Variants in PCM1 observed in about 807,000 individuals in gnomAD.
PCM1 encodes the protein pericentriolar material 1 protein.
In PCM1, 157 loss-of-function variants were observed where a neutral mutation model predicts 241.9. The ratio of observed to expected loss-of-function variants is 0.65; its 90% CI spans 0.57 to 0.74. PCM1 has a LOEUF of 0.74. PCM1 is among the 30% of genes least tolerant of loss of function. The pLI is 0.00. For synonymous variants in PCM1, 1,085 were observed against 784.9 expected (o/e 1.38, Z -6.39); for missense variants, 3,478 against 2,360.1 (o/e 1.47, Z -9.81).
chr8:17,980,511 C>A (rs1370282884), intron 23 of PCM1, 80 bp from the exon 24 acceptor site: 6 of 1,150,908 alleles, frequency 5.2e-6, no homozygotes, highest in Non-Finnish European at 7.4e-6. Context: ...GTTACCTGTA[C>A]TGTTACACAA....
At chr8:17,923,650 G>C (rs899070330) in intron 1 of PCM1, among the ~76,000 whole-genome samples, 8 of 152,012 alleles carry the variant, frequency 5.3e-5, no homozygotes. Flanking sequence ...CAGAGTTTGG[G>C]GTGTAGAAGG....
intron 1 of PCM1, 101 bp downstream of exon 1, chr8:17,923,289 A>G (rs2055258390): frequency 1.3e-5 from 2 of 152,388 alleles, no homozygotes; most frequent in Admixed American, 1.3e-4. Flanking sequence ...GGGTCTGGCC[A>G]CGGGCCCACG....
intron 2 of PCM1, chr8:17,925,199 T>G (rs2129444913): frequency 6.6e-6 from 1 of 152,364 alleles, no homozygotes; most frequent in South Asian, 2.1e-4. Flanking sequence ...GACCGAAATT[T>G]AGTTGTCTAA....
intron 2 of PCM1, among the ~76,000 whole-genome samples, chr8:17,930,854 TG>T (rs1400468656): frequency 6.6e-6 from 1 of 151,550 alleles, no homozygotes; most frequent in East Asian, 1.9e-4. Flanking sequence ...CACTCCAGCC[TG>T]GGTGACAGAG....
At chr8:17,948,872 T>C (rs149856678) in intron 7 of PCM1, among the ~76,000 whole-genome samples, 12 of 152,352 alleles carry the variant, frequency 7.9e-5, no homozygotes, top group African/African-American at 2.6e-4. Flanking sequence ...TATTAATCTC[T>C]AAACTTGCAT....
rs776470089 is a variant in PCM1, at chr8:17,966,363, T to G, written c.3111T>G (p.Gly1037=). Reference sequence around the variant, plus strand: ...GTCTGCTACAAACTCTTCTCACGGGTCCTTACAGTGTTATGCCCAGCAATG... The same window carrying G: ...GTCTGCTACAAACTCTTCTCACGGGGCCTTACAGTGTTATGCCCAGCAATG... ...LSCLLQTLLT[G]PYSVMPSNVA... The change falls in exon 20 of 39, where the codon GGT becomes GGG. Residue 1037 remains glycine (G), a synonymous_variant. Coordinates refer to ENST00000325083, the MANE Select transcript of PCM1 (RefSeq NM_006197.4). 6.2e-7 allele frequency: 1 copy of G among 1,613,844 alleles called. No individual in the cohort carries two copies. The highest frequency in any genetic ancestry group is 8.5e-7 in the Non-Finnish European group (1 of 1,179,768).
chr8:17,982,957 T>C (rs990081272), intron 24 of PCM1, among the ~76,000 whole-genome samples: 14 of 152,202 alleles, frequency 9.2e-5, no homozygotes, highest in African/African-American at 3.4e-4. Context: ...GTGGGTGTTG[T>C]GGGAGGTTCA....
At chr8:18,025,701 T>G in intron 38 of PCM1, 43 bp downstream of exon 38, 2 of 1,106,298 alleles carry the variant, frequency 1.8e-6, no homozygotes, top group Non-Finnish European at 2.7e-6. Context: ...GAAAAATCAT[T>G]GAATCTTCAT....
Position 18,014,597 on chromosome 8 carries a change from C to T in PCM1, c.5598C>T (p.Asn1866=), listed in dbSNP as rs2129486294. ...TTTTGATGACAGATGACCAAAATAA[C>T]TGTCCTGTGAAACCCTGTTACCTCA... is the stretch of plus-strand genomic sequence containing the variant. ...REATSKNDQN[N]CPVKPCYLNI... Residue 1866 remains asparagine, a synonymous_variant, in exon 36 of 39, where the codon AAC becomes AAT. Coordinates refer to ENST00000325083, the MANE Select transcript of PCM1 (RefSeq NM_006197.4). 4 of 1,603,114 alleles carry T rather than the reference C, an allele frequency of 2.5e-6. No homozygotes were observed. The East Asian group carries it at 8.9e-5, about 36-fold the overall frequency.
chr8:17,974,323 C>T (rs1431558317), intron 23 of PCM1, among the ~76,000 whole-genome samples: 2 of 152,162 alleles, frequency 1.3e-5, no homozygotes, highest in Non-Finnish European at 2.9e-5. Flanking sequence ...AGTGCTTTGC[C>T]CTCACAGAGA....
chr8:18,000,645 G>A (rs935240559), intron 29 of PCM1, among the ~76,000 whole-genome samples: 10 of 151,954 alleles, frequency 6.6e-5, no homozygotes, highest in Admixed American at 1.3e-4. Flanking sequence ...GTTTGAGACA[G>A]AGGCTCACTC....
chr8:18,012,262 G>A (rs1335120687), intron 34 of PCM1, among the ~76,000 whole-genome samples: 1 of 152,060 alleles, frequency 6.6e-6, no homozygotes, highest in East Asian at 1.9e-4. Flanking sequence ...TCCATTGTCC[G>A]GCATGTCTAC....
chr8:18,007,739 T>G lies in PCM1; in HGVS notation c.4962+1342T>G, dbSNP rs150602510. Among the ~76,000 whole-genome samples, 1,106 of 152,314 alleles carry G rather than the reference T, an allele frequency of 7.3e-3. 9 individuals are homozygous for G. Among genetic ancestry groups the G allele is most frequent in the African/African-American group, 0.026 (1,062 of 41,562 alleles). ...TGAGCTAGAGCTTAAATTACCATCT[T>G]CTACATTTTTCCTTCTGAAACCCGT... On this transcript the variant is annotated intron_variant, in intron 30 of 38. Transcript: ENST00000325083.
At chr8:18,015,845 G>C (rs576546856) in intron 36 of PCM1, 1 of 152,112 alleles carries the variant, frequency 6.6e-6, no homozygotes, top group African/African-American at 2.4e-5. Context: ...AGTCCCTCTC[G>C]GATTTCAGGC....
chr8:17,993,943 A>C (rs954050819), intron 29 of PCM1, among the ~76,000 whole-genome samples: 5 of 152,156 alleles, frequency 3.3e-5, no homozygotes, highest in Non-Finnish European at 7.4e-5. Flanking sequence ...TTTATGGGGT[A>C]CATGAAATAG....
In PCM1 at chr8:18,009,526, AT is replaced by A; in HGVS notation, c.4963-18del. 3 of 1,504,454 alleles carry A rather than the reference AT, an allele frequency of 2.0e-6. No homozygotes were observed. The South Asian group carries it at 3.7e-5, about 19-fold the overall frequency. The allele number at this position is 1,504,454 out of a possible 1,614,324, so 93.2% of individuals were successfully genotyped here. Reference sequence around the variant, plus strand: ...TTGAAGTTTACTGTCTTTAAAAATTATTTGGTTTATCTTTGAATAGGATTCA... The same window carrying A: ...TTGAAGTTTACTGTCTTTAAAAATTATTGGTTTATCTTTGAATAGGATTCA... On this transcript the variant is annotated intron_variant, in intron 30 of 38. Transcript: ENST00000325083.
In PCM1 at chr8:18,011,141, TA is replaced by T. The variant is rs548734130; in HGVS notation, c.5221-95del. 3.4e-4 allele frequency: 259 copies of T among 769,124 alleles called. 2 individuals are homozygous for T. In the African/African-American group the frequency reaches 4.1e-3, roughly 12 times the overall value. The allele number at this position is 769,124 out of a possible 1,614,324, so 47.6% of individuals were successfully genotyped here. A position where few individuals can be genotyped will look rare whatever the true frequency, so the allele number is the denominator to read the frequency against. ...ATCAAAAATGGTTCTTTGTATTTTT[TA>T]TTAGATAATGATCATTATTAATACG... On this transcript the variant is annotated intron_variant, in intron 32 of 38. Transcript: ENST00000325083.
At chr8:18,011,896 T>A in intron 34 of PCM1, 69 bp downstream of exon 34, 3 of 1,345,472 alleles carry the variant, frequency 2.2e-6, no homozygotes, top group Non-Finnish European at 2.1e-6. Context: ...ATCAGCCTTA[T>A]TTTAACTAAT....
At chr8:17,971,564 G>C (rs962834974) in intron 22 of PCM1, among the ~76,000 whole-genome samples, 1 of 152,178 alleles carries the variant, frequency 6.6e-6, no homozygotes, top group East Asian at 1.9e-4. Flanking sequence ...CGGACTTAAG[G>C]AGTGGAGAAA....
Sources: allele counts gnomAD v4.1 joint callset (sites outside exome capture counted in the v4.1 genomes callset), GRCh38; gene constraint gnomAD v4.1.1; transcripts MANE v1.5; gene names NCBI Gene and HGNC (gene_info 2026-07-23, HGNC 2026-07-21).